Variants in FHIT observed in about 807,000 individuals in gnomAD.
FHIT encodes fragile histidine triad diadenosine triphosphatase.
Under a neutral mutation model 17.9 loss-of-function variants are expected in FHIT, and 19 were observed. That is an observed-to-expected ratio of 1.06 (90% confidence interval 0.74 to 1.56). FHIT has a LOEUF of 1.56. Among genes scored for constraint, FHIT ranks in the 40% most tolerant of loss-of-function variants. The pLI is 0.00. For synonymous variants in FHIT, 81 were observed against 69.7 expected (o/e 1.16, Z -0.81); for missense variants, 248 against 189.2 (o/e 1.31, Z -1.82).
At chr3:59,957,337 T>C (rs965635441) in intron 7 of FHIT, among the ~76,000 whole-genome samples, 1 of 152,216 alleles carries the variant, frequency 6.6e-6, no homozygotes, top group African/African-American at 2.4e-5. Flanking sequence ...AGCAAGAAGG[T>C]GGCTAGCTGG....
At chr3:61,025,874 A>C (rs555486471) in intron 3 of FHIT, among the ~76,000 whole-genome samples, 3 of 152,346 alleles carry the variant, frequency 2.0e-5, no homozygotes, top group African/African-American at 7.2e-5. Context: ...GCTGTTCTCA[A>C]AAGAGCTACC....
intron 5 of FHIT, among the ~76,000 whole-genome samples, chr3:60,084,083 G>T (rs749095983): frequency 8.5e-5 from 13 of 152,144 alleles, no homozygotes; most frequent in Non-Finnish European, 1.8e-4. Context: ...AACAAAATAT[G>T]ATCCTCTATA....
At chr3:60,926,561 G>C (rs1707626362) in intron 3 of FHIT, among the ~76,000 whole-genome samples, 1 of 152,228 alleles carries the variant, frequency 6.6e-6, no homozygotes, top group Admixed American at 6.5e-5. Flanking sequence ...AAAGCAGTGT[G>C]TAGAGGGAAA....
intron 4 of FHIT, among the ~76,000 whole-genome samples, chr3:60,791,178 C>A (rs1042822226): frequency 2.0e-5 from 3 of 151,968 alleles, no homozygotes; most frequent in African/African-American, 7.2e-5. Context: ...TTATCTTTCA[C>A]CCCTGTTTCA....
At chr3:59,977,290 T>C (rs1473758855) in intron 7 of FHIT, among the ~76,000 whole-genome samples, 1 of 152,138 alleles carries the variant, frequency 6.6e-6, no homozygotes, top group Non-Finnish European at 1.5e-5. Flanking sequence ...CTTCCATCTA[T>C]CAAGGCCTCT....
chr3:60,763,491 C>A (rs942072668), intron 4 of FHIT, among the ~76,000 whole-genome samples: 6 of 152,096 alleles, frequency 3.9e-5, no homozygotes, highest in Non-Finnish European at 8.8e-5. Context: ...TTATCTCTAC[C>A]CTGTGAAGGT....
intron 2 of FHIT, among the ~76,000 whole-genome samples, chr3:61,058,159 C>G (rs1020468116): frequency 1.3e-5 from 2 of 152,148 alleles, no homozygotes; most frequent in African/African-American, 2.4e-5. Flanking sequence ...GTAATAAGTT[C>G]TCCATAAACG....
chr3:59,979,631 C>T (rs1242783582), intron 7 of FHIT, among the ~76,000 whole-genome samples: 3 of 152,038 alleles, frequency 2.0e-5, no homozygotes, highest in Admixed American at 6.6e-5. Flanking sequence ...AGAACGTGTA[C>T]GCTGTCATGG....
At chr3:61,092,922 C>A (rs2035529870) in intron 2 of FHIT, among the ~76,000 whole-genome samples, 1 of 152,148 alleles carries the variant, frequency 6.6e-6, no homozygotes, top group Admixed American at 6.5e-5. Context: ...CTGAACAAAT[C>A]CCAAACAATG....
At chr3:60,095,057 A>G (rs1703885800) in intron 5 of FHIT, among the ~76,000 whole-genome samples, 1 of 152,166 alleles carries the variant, frequency 6.6e-6, no homozygotes, top group African/African-American at 2.4e-5. Flanking sequence ...AACGCTTTGA[A>G]TGCTCACAAC....
intron 3 of FHIT, among the ~76,000 whole-genome samples, chr3:60,822,323 A>G (rs1284087744): frequency 6.6e-6 from 1 of 152,170 alleles, no homozygotes; most frequent in Non-Finnish European, 1.5e-5. Context: ...ATCCTCCTCA[A>G]GAACTGGAAA....
intron 2 of FHIT, among the ~76,000 whole-genome samples, chr3:61,088,434 A>T: frequency 6.6e-6 from 1 of 152,208 alleles, no homozygotes; most frequent in South Asian, 2.1e-4. Flanking sequence ...TAAATAGAAT[A>T]ACAACATGCT....
intron 7 of FHIT, among the ~76,000 whole-genome samples, chr3:59,959,218 C>T (rs1707549690): frequency 6.6e-6 from 1 of 152,184 alleles, no homozygotes; most frequent in African/African-American, 2.4e-5. Context: ...ACCACCAGAA[C>T]TACCAAATTT....
chr3:60,158,592 G>A (rs542273121), intron 5 of FHIT, among the ~76,000 whole-genome samples: 15 of 152,104 alleles, frequency 9.9e-5, no homozygotes, highest in Non-Finnish European at 1.8e-4. Context: ...GATTACAGGC[G>A]TAAGCCACCG....
intron 7 of FHIT, among the ~76,000 whole-genome samples, chr3:59,956,735 T>C (rs1559497203): frequency 6.6e-6 from 1 of 152,166 alleles, no homozygotes; most frequent in East Asian, 1.9e-4. Context: ...AAAATGGGGA[T>C]AAGAACAGTA....
At chr3:61,080,246 A>T (rs2035094221) in intron 2 of FHIT, among the ~76,000 whole-genome samples, 1 of 152,202 alleles carries the variant, frequency 6.6e-6, no homozygotes, top group South Asian at 2.1e-4. Flanking sequence ...ACTATGCACA[A>T]TATAATCAAA....
rs982758460 is a variant in FHIT at position 60,055,097 on chromosome 3, G to A, written c.104-40945C>T. Among the ~76,000 whole-genome samples, 11 of 152,262 alleles carry A rather than the reference G, an allele frequency of 7.2e-5. No homozygotes were observed. In the South Asian group the frequency reaches 2.3e-3, roughly 32 times the overall value. On this transcript the variant is annotated intron_variant, in intron 5 of 9. Transcript: ENST00000492590. Reference sequence around the variant, plus strand: ...AGAAATAAACTACCCCCATTCCAAAGCGTGGCCTCCTATCTTTTTGCTACA... The same window carrying A: ...AGAAATAAACTACCCCCATTCCAAAACGTGGCCTCCTATCTTTTTGCTACA...
intron 5 of FHIT, among the ~76,000 whole-genome samples, chr3:60,354,814 T>C (rs1699574118): frequency 6.6e-6 from 1 of 152,186 alleles, no homozygotes; most frequent in African/African-American, 2.4e-5. Flanking sequence ...TATACTTTAT[T>C]CTTGTTATTC....
intron 5 of FHIT, among the ~76,000 whole-genome samples, chr3:60,055,877 G>T (rs1048032989): frequency 6.6e-6 from 1 of 152,172 alleles, no homozygotes; most frequent in African/African-American, 2.4e-5. Context: ...CAGCTTCGAA[G>T]GTACCAAACA....
Sources: gnomAD v4.1 joint callset for allele counts (sites outside exome capture counted in the v4.1 genomes callset) on GRCh38, gnomAD v4.1.1 for gene constraint, MANE v1.5 for transcripts, NCBI Gene and HGNC (gene_info 2026-07-23, HGNC 2026-07-21) for gene names.